The following SORBS2 variants were observed in gnomAD, a reference collection of about 807,000 sequenced individuals.
The protein encoded by SORBS2 is sorbin and SH3 domain containing 2.
In SORBS2, 46 loss-of-function variants were observed where a neutral mutation model predicts 97.7. The ratio of observed to expected loss-of-function variants is 0.47; its 90% CI spans 0.37 to 0.60. SORBS2 has a LOEUF of 0.60. Ranked by LOEUF, SORBS2 falls within the 20% of genes least tolerant of loss-of-function variation. The pLI is 0.00. For synonymous variants in SORBS2, 476 were observed against 473.4 expected (o/e 1.01, Z -0.07); for missense variants, 1,316 against 1,282.3 (o/e 1.03, Z -0.40).
intron 1 of SORBS2, among the ~76,000 whole-genome samples, chr4:185,916,816 C>G (rs908724331): frequency 1.3e-5 from 2 of 152,194 alleles, no homozygotes; most frequent in African/African-American, 4.8e-5. Flanking sequence ...CAAATAGTAA[C>G]AGTGCACAGG....
At chr4:185,903,394 C>T (rs552236496) in intron 1 of SORBS2, among the ~76,000 whole-genome samples, 187 of 152,248 alleles carry the variant, frequency 1.2e-3, no homozygotes, top group African/African-American at 4.3e-3. Context: ...ATGATTCATA[C>T]ATTTCTTTTC....
chr4:185,792,650 G>A (rs2099085871), intron 1 of SORBS2, among the ~76,000 whole-genome samples: 1 of 151,850 alleles, frequency 6.6e-6, no homozygotes, highest in African/African-American at 2.4e-5. Context: ...ATCCTAGACT[G>A]TTTTTTTTCT....
At chr4:185,747,957 C>G (rs1031677953) in intron 2 of SORBS2, among the ~76,000 whole-genome samples, 3 of 152,072 alleles carry the variant, frequency 2.0e-5, no homozygotes, top group African/African-American at 7.2e-5. Context: ...TAACACTGCA[C>G]TCTAGCCTGG....
intron 1 of SORBS2, among the ~76,000 whole-genome samples, chr4:185,858,004 T>C (rs1354199835): frequency 3.3e-5 from 5 of 152,198 alleles, no homozygotes; most frequent in Admixed American, 3.3e-4. Context: ...GTATGTGATC[T>C]CTGTGACCTA....
chr4:185,750,343 C>T (rs2098791609), intron 2 of SORBS2, among the ~76,000 whole-genome samples: 1 of 152,220 alleles, frequency 6.6e-6, no homozygotes, highest in African/African-American at 2.4e-5. Context: ...ATCCCGACAA[C>T]ACTGTGTGTT....
chr4:185,829,803 T>G (rs1048182027), intron 1 of SORBS2, among the ~76,000 whole-genome samples: 8 of 152,206 alleles, frequency 5.3e-5, no homozygotes, highest in African/African-American at 1.9e-4. Flanking sequence ...AATTCTTAAT[T>G]CCAGCCATCT....
chr4:185,611,650 A>G (rs2096540913), intron 12 of SORBS2, 130 bp downstream of exon 24: 1 of 676,360 alleles, frequency 1.5e-6, no homozygotes. Context: ...TCACACATGT[A>G]GAAACATAAT....
rs1362784956 is a variant in SORBS2, at chr4:185,623,466, G to C, written c.1663C>G (p.Arg555Gly). Residue 555 changes from arginine (R) to glycine (G), a missense_variant, in exon 7 of 15, where the codon CGC becomes GGC. Arg to Gly is a moderately radical substitution (Grantham distance 125). Coordinates refer to ENST00000418609, the Ensembl canonical transcript of SORBS2. This position sits in a 1 kb window ranked among gnomAD's most constrained non-coding sequence, Gnocchi z 6.4. ...CCTTTGCAGGAGCTGATGAGGTGGC[G>C]GTGGTGGTGGTGGTGGTGATGGTGG... The C allele has an allele frequency of 2.5e-6, 4 of 1,608,882 alleles. No homozygotes were observed. Among genetic ancestry groups the C allele is most frequent in the Non-Finnish European group, 3.4e-6 (4 of 1,179,380 alleles).
intron 1 of SORBS2, among the ~76,000 whole-genome samples, chr4:185,938,431 C>CACACACACACACACACA (rs1554055084): frequency 6.9e-6 from 1 of 145,438 alleles, no homozygotes. Context: ...CACACACACA[C>CACACACACACACACACA]CCTTTTATTC....
intron 1 of SORBS2, among the ~76,000 whole-genome samples, chr4:185,844,501 T>A (rs2099213409): frequency 6.6e-6 from 1 of 152,180 alleles, no homozygotes; most frequent in South Asian, 2.1e-4. Context: ...ACTTGAATAC[T>A]CATATACGGC....
chr4:185,629,753 G>A (rs186823571), intron 5 of SORBS2, among the ~76,000 whole-genome samples: 34 of 151,932 alleles, frequency 2.2e-4, no homozygotes, highest in African/African-American at 8.2e-4. Context: ...AGTAGTGATG[G>A]GGTTTCACCA....
intron 7 of SORBS2, among the ~76,000 whole-genome samples, chr4:185,622,315 TG>T (rs1186067459): frequency 1.3e-5 from 2 of 152,170 alleles, no homozygotes; most frequent in African/African-American, 4.8e-5. Flanking sequence ...ATGGTGGAAA[TG>T]GGACTTTTAT....
chr4:185,662,310 T>C, intron 4 of SORBS2, 68 bp from the exon 8 acceptor site: 1 of 1,480,046 alleles, frequency 6.8e-7, no homozygotes, highest in Non-Finnish European at 9.2e-7. Flanking sequence ...TTCCATTAGG[T>C]GATAATAAAA....
At chr4:185,793,808 G>A (rs938464632) in intron 1 of SORBS2, among the ~76,000 whole-genome samples, 9 of 152,124 alleles carry the variant, frequency 5.9e-5, no homozygotes, top group African/African-American at 1.4e-4. Context: ...ATAAGAGAAC[G>A]ACTGGTCCTA....
At position 185,819,658 on chromosome 4, in the gene SORBS2, T is replaced by C. The variant is rs112233221; in HGVS notation, c.-337-44292A>G. Among the ~76,000 whole-genome samples, 1,274 of 152,280 alleles carry C rather than the reference T, an allele frequency of 8.4e-3. 12 individuals are homozygous for C. The highest frequency in any genetic ancestry group is 0.026 in the African/African-American group (1,075 of 41,552). On this transcript the variant is annotated intron_variant, in intron 1 of 20. Transcript: ENST00000284776. ...TTTCTGGACATTGTCAGTGAGCCTTTATTCCTGGCTGGTCACCTGTCAGTG... is the reference window on the plus strand; with the variant it reads ...TTTCTGGACATTGTCAGTGAGCCTTCATTCCTGGCTGGTCACCTGTCAGTG...
intron 1 of SORBS2, among the ~76,000 whole-genome samples, chr4:185,916,580 T>C (rs28676835): frequency 0.03 from 4,614 of 152,288 alleles, 220 homozygotes; most frequent in African/African-American, 0.11. Context: ...AATAGAGAAT[T>C]TGACGCCCAA....
chr4:185,879,177 A>G (rs867111834), intron 1 of SORBS2, among the ~76,000 whole-genome samples: 12 of 37,672 alleles, frequency 3.2e-4, no homozygotes, highest in Admixed American at 2.3e-3. Flanking sequence ...CCCCCCCCCC[A>G]CCCCACGACA....
At chr4:185,617,140 A>G (rs1341979304) in intron 9 of SORBS2, among the ~76,000 whole-genome samples, 3 of 152,172 alleles carry the variant, frequency 2.0e-5, no homozygotes, top group African/African-American at 4.8e-5. Flanking sequence ...TCAGGTTTTT[A>G]TATATTTAAG....
chr4:185,662,145 G>C lies in SORBS2; in HGVS notation c.53C>G (p.Ser18Ter), dbSNP rs747887513. The C allele has an allele frequency of 6.2e-7, 1 of 1,614,084 alleles. No homozygotes were observed. The highest frequency in any genetic ancestry group is 8.5e-7 in the Non-Finnish European group (1 of 1,180,046). ...CTGCATGACAATGCTGGAGTTGAGT[G>C]AGGCTGGGAGAGAATATGCCGAGGG... The change falls in exon 5 of 21, where the codon TCA becomes TGA. Residue 18 changes from serine to a stop codon, truncating the protein, a stop_gained. Transcript: ENST00000284776. LOFTEE classifies it high-confidence loss of function.
Sources: allele counts gnomAD v4.1 joint callset (sites outside exome capture counted in the v4.1 genomes callset), GRCh38; gene constraint gnomAD v4.1.1; non-coding constraint Gnocchi (gnomAD v3.1); transcripts MANE v1.5; gene names NCBI Gene and HGNC (gene_info 2026-07-23, HGNC 2026-07-21).